DMXL2: variants seen among roughly 807,000 people sequenced by gnomAD.
DMXL2 encodes the protein Dmx like 2, also known as dmX-like protein 2.
A neutral mutation model predicts 331.1 loss-of-function variants in DMXL2; 103 were observed. The observed-to-expected ratio is 0.31, with a 90% CI of 0.27 to 0.37. The LOEUF is 0.37. DMXL2 is among the 10% of genes least tolerant of loss of function. The pLI, the probability that DMXL2 is intolerant of heterozygous loss-of-function variation, is 1.00. For synonymous variants in DMXL2, 1,281 were observed against 1,252.1 expected, an observed-to-expected ratio of 1.02 and a Z score of -0.49; for missense variants, 3,171 against 3,642.9, an observed-to-expected ratio of 0.87 and a Z score of 3.33.
intron 20 of DMXL2, among the ~76,000 whole-genome samples, chr15:51,489,650 G>A (rs907173633): frequency 6.7e-6 from 1 of 150,012 alleles, no homozygotes; most frequent in Non-Finnish European, 1.5e-5. Flanking sequence ...GCAAGACTCT[G>A]TCTCAAAGAA....
chr15:51,455,049 CT>C, intron 40 of DMXL2, 101 bp downstream of exon 40: 1 of 948,772 alleles, frequency 1.1e-6, no homozygotes, highest in South Asian at 1.4e-5. Flanking sequence ...AAAAATCATC[CT>C]TTTCCCAATA....
rs749432074 is a variant in DMXL2 at position 51,449,116 on chromosome 15, A to T, written c.9045T>A (p.Ile3015=). The T allele has an allele frequency of 1.9e-6, 3 of 1,614,196 alleles. No individual in the cohort carries two copies. The highest frequency in any genetic ancestry group is 2.5e-6 in the Non-Finnish European group (3 of 1,180,016). The change falls in exon 44 of 44, where the codon ATT becomes ATA. Residue 3015 remains isoleucine, a synonymous_variant. Coordinates refer to ENST00000560891, the MANE Select transcript of DMXL2 (RefSeq NM_001378457.1). ...EHAKQSIFRN[I]GAGVMQIDII... is the part of the protein sequence containing the mutation. ...TGTCAATCTGCATGACTCCAGCCCC[A>T]ATGTTTCGAAATATGGACTGCTTAG...
At chr15:51,580,141 T>G (rs2051309962) in intron 1 of DMXL2, among the ~76,000 whole-genome samples, 1 of 152,172 alleles carries the variant, frequency 6.6e-6, no homozygotes, top group Non-Finnish European at 1.5e-5. Context: ...GACCAACAGT[T>G]TATACAAAAT....
chr15:51,481,512 A>G lies in DMXL2; in HGVS notation c.5594T>C (p.Leu1865Ser), dbSNP rs2042007141. Residue 1865 changes from leucine to serine, a missense_variant, in exon 24 of 44, where the codon TTA (leucine) becomes TCA (serine). Coordinates refer to ENST00000560891, the MANE Select transcript of DMXL2 (RefSeq NM_001378457.1). The part of the protein sequence containing the change: ...LASPEGTLAT[L>S]GLKTEKNFVD... ...AAAGTTCTTCTCAGTTTTGAGACCT[A>G]AGGTTGCCAAAGTTCCTTCAGGGGA... 1 of 1,613,568 alleles carries G rather than the reference A, an allele frequency of 6.2e-7. No homozygotes were observed. The highest frequency in any genetic ancestry group is 8.5e-7 in the Non-Finnish European group (1 of 1,179,882).
chr15:51,622,073 C>G (rs1323894936), intron 1 of DMXL2, among the ~76,000 whole-genome samples: 1 of 152,076 alleles, frequency 6.6e-6, no homozygotes, highest in Non-Finnish European at 1.5e-5. Context: ...GAGACCAACA[C>G]CAAGTCTCTT....
At chr15:51,516,887 C>A (rs1352817478) in intron 14 of DMXL2, among the ~76,000 whole-genome samples, 191 bp downstream of exon 14, 1 of 152,202 alleles carries the variant, frequency 6.6e-6, no homozygotes, top group Non-Finnish European at 1.5e-5. Flanking sequence ...TGAGAACATA[C>A]AGTTCTTGGT....
chr15:51,559,692 C>A (rs778207468), intron 6 of DMXL2, among the ~76,000 whole-genome samples: 3 of 152,044 alleles, frequency 2.0e-5, no homozygotes, highest in Non-Finnish European at 4.4e-5. Flanking sequence ...TGTACTCCAG[C>A]CTGGGTGACA....
intron 10 of DMXL2, 31 bp from the exon 11 acceptor site, chr15:51,537,790 G>T: frequency 6.3e-7 from 1 of 1,585,006 alleles, no homozygotes; most frequent in Non-Finnish European, 8.6e-7. Context: ...ATCAATACAA[G>T]CATTAAATAA....
chr15:51,524,176 G>C (rs1226478485), intron 13 of DMXL2, among the ~76,000 whole-genome samples: 1 of 152,218 alleles, frequency 6.6e-6, no homozygotes, highest in Non-Finnish European at 1.5e-5. Flanking sequence ...TCAGTAACAG[G>C]ACGCTTGGAA....
intron 6 of DMXL2, among the ~76,000 whole-genome samples, chr15:51,560,405 T>C (rs1211333093): frequency 6.6e-6 from 1 of 151,358 alleles, no homozygotes; most frequent in Non-Finnish European, 1.5e-5. Flanking sequence ...GTTCAGTACC[T>C]TTCTGTTCAT....
chr15:51,468,819 G>C (rs1342420387), intron 29 of DMXL2, among the ~76,000 whole-genome samples: 1 of 152,142 alleles, frequency 6.6e-6, no homozygotes, highest in East Asian at 1.9e-4. Flanking sequence ...TATCCAATCA[G>C]AATGAAATTG....
At chr15:51,620,391 A>G (rs766500024) in intron 1 of DMXL2, among the ~76,000 whole-genome samples, 18 of 152,226 alleles carry the variant, frequency 1.2e-4, no homozygotes, top group African/African-American at 4.3e-4. Context: ...TGGAAACCCA[A>G]AAGGACTGTC....
At chr15:51,567,085 C>T (rs1442075934) in intron 3 of DMXL2, 1 of 137,360 alleles carries the variant, frequency 7.3e-6, no homozygotes, top group African/African-American at 2.7e-5. Flanking sequence ...CTCTGACTCC[C>T]AAGCTGGAGT....
chr15:51,592,014 C>T (rs908960290), intron 1 of DMXL2, among the ~76,000 whole-genome samples: 1 of 152,198 alleles, frequency 6.6e-6, no homozygotes, highest in African/African-American at 2.4e-5. Context: ...AGCGCCTCTC[C>T]TCCTCCAAAG....
rs139211716 is a variant in DMXL2, at chr15:51,542,430, G to A, written c.1008C>T (p.Pro336=). The A allele has an allele frequency of 1.7e-3, 2,786 of 1,613,624 alleles. 30 individuals carry two copies. In the African/African-American group the frequency reaches 0.033, roughly 19 times the overall value. ...SVLVTHAELM[P]DQTAMHEVQR... The stretch of plus-strand genomic sequence containing the variant: ...GAACTTCATGCATTGCTGTCTGGTC[G>A]GGCATTAATTCAGCATGAGTTACAA... The change falls in exon 9 of 44, where the codon CCC becomes CCT. Residue 336 remains proline (P), a synonymous_variant. Transcript: ENST00000560891.
chr15:51,550,600 A>G (rs1458925219), intron 6 of DMXL2, among the ~76,000 whole-genome samples: 1 of 152,006 alleles, frequency 6.6e-6, no homozygotes, highest in Non-Finnish European at 1.5e-5. Flanking sequence ...AAAAAAGAAA[A>G]GATAAATTCC....
At chr15:51,521,070 T>C (rs1216164740) in intron 13 of DMXL2, among the ~76,000 whole-genome samples, 2 of 152,086 alleles carry the variant, frequency 1.3e-5, no homozygotes, top group African/African-American at 2.4e-5. Context: ...TCACATTTCA[T>C]CAATTTATAT....
chr15:51,555,289 A>G (rs2049488555), intron 6 of DMXL2, among the ~76,000 whole-genome samples: 1 of 152,238 alleles, frequency 6.6e-6, no homozygotes, highest in Non-Finnish European at 1.5e-5. Flanking sequence ...GGCTTCAACC[A>G]GATTATAAGA....
intron 1 of DMXL2, among the ~76,000 whole-genome samples, chr15:51,620,417 A>T (rs915703524): frequency 2.0e-5 from 3 of 152,246 alleles, no homozygotes; most frequent in African/African-American, 7.2e-5. Context: ...GCAACATAAA[A>T]ATGCAGTTTA....
Sources: allele counts gnomAD v4.1 joint callset (sites outside exome capture counted in the v4.1 genomes callset), GRCh38; gene constraint gnomAD v4.1.1; transcripts MANE v1.5; gene names NCBI Gene and HGNC (gene_info 2026-07-23, HGNC 2026-07-21).